Variants in KPNB1 observed in about 807,000 individuals in gnomAD.
The protein encoded by KPNB1 is importin subunit beta-1.
A neutral mutation model predicts 113.0 loss-of-function variants in KPNB1; 7 were observed. The observed-to-expected ratio is 0.06, with a 90% CI of 0.04 to 0.12. The LOEUF (loss-of-function observed/expected upper bound fraction) is 0.12, where lower values mean the gene tolerates loss of function less well. Ranked by LOEUF, KPNB1 falls within the 10% of genes least tolerant of loss-of-function variation. The pLI, the probability that KPNB1 is intolerant of heterozygous loss-of-function variation, is 1.00. For missense variants in KPNB1, 400 were observed against 1,054.8 expected (o/e 0.38, Z 8.60); for synonymous variants, 363 against 378.6 (o/e 0.96, Z 0.48).
At chr17:47,675,361 G>GTTTTTTTTTGTTTTTTTTTTT (rs2030569284) in intron 15 of KPNB1, among the ~76,000 whole-genome samples, 1 of 88,692 alleles carries the variant, frequency 1.1e-5, no homozygotes, top group Non-Finnish European at 2.3e-5. Context: ...CAGAGGTGTT[G>GTTTTTTTTTGTTTTTTTTTTT]TTTTTTTTTT....
At position 47,658,427 on chromosome 17, in the gene KPNB1, AGTT is replaced by A. The variant is rs774603469; in HGVS notation, c.484-77_484-75del. 1,768 of 1,432,032 alleles carry A rather than the reference AGTT, an allele frequency of 1.2e-3. 8 individuals are homozygous for A. The highest frequency in any genetic ancestry group is 1.0e-3 in the Non-Finnish European group (1,074 of 1,055,090). The allele number at this position is 1,432,032 out of a possible 1,614,324, so 88.7% of individuals were successfully genotyped here. ...TTTCCTCTAAATATTTTCAATCCATAGTTGTTTGAATCCACAGATGTGGAACCC... is the reference window on the plus strand; with the variant it reads ...TTTCCTCTAAATATTTTCAATCCATAGTTTGAATCCACAGATGTGGAACCC... On this transcript the variant is annotated intron_variant, in intron 4 of 21. Coordinates refer to ENST00000290158, the MANE Select transcript of KPNB1 (RefSeq NM_002265.6).
Position 47,674,654 on chromosome 17 carries a change from T to C in KPNB1, c.1784T>C (p.Val595Ala). The change falls in exon 15 of 22, where the codon GTG becomes GCG. Residue 595 changes from valine to alanine, a missense_variant. Physicochemically the swap from Val to Ala is moderately conservative, Grantham distance 64. Coordinates refer to ENST00000290158, the MANE Select transcript of KPNB1 (RefSeq NM_002265.6). ...CATLQNVLRK[V>A]QHQDALQISD... ...ATTTCACAGAATGTTCTTCGGAAAG[T>C]GCAACATCAAGATGCTTTGCAGATC... 2 of 1,613,672 alleles carry C rather than the reference T, an allele frequency of 1.2e-6. No individual in the cohort carries two copies. Among genetic ancestry groups the C allele is most frequent in the Non-Finnish European group, 1.7e-6 (2 of 1,179,832 alleles).
At chr17:47,672,896 A>G in intron 12 of KPNB1, 122 bp from the exon 13 acceptor site, 1 of 823,918 alleles carries the variant, frequency 1.2e-6, no homozygotes, top group Non-Finnish European at 1.8e-6. Context: ...TTGTGTTTTC[A>G]AACTCAAACC....
chr17:47,656,150 G>T (rs981720117), intron 3 of KPNB1, among the ~76,000 whole-genome samples: 5 of 152,088 alleles, frequency 3.3e-5, no homozygotes, highest in African/African-American at 9.7e-5. Flanking sequence ...GCTACTTGCT[G>T]GGGGGAGCTA....
At chr17:47,673,745 T>G (rs1002102785) in intron 14 of KPNB1, 184 bp downstream of exon 14, 10 of 596,938 alleles carry the variant, frequency 1.7e-5, no homozygotes, top group Non-Finnish European at 2.7e-5. Context: ...GCCTTACCTG[T>G]CTGTCTAGAA....
chr17:47,681,686 G>GTGTTTTTTT (rs2030783376), intron 21 of KPNB1, among the ~76,000 whole-genome samples: 1 of 96,034 alleles, frequency 1.0e-5, no homozygotes, highest in East Asian at 3.2e-4. Flanking sequence ...GGAATTATAG[G>GTGTTTTTTT]TTTTTTTTTT....
At chr17:47,662,132 C>T (rs908220377) in intron 6 of KPNB1, 2 of 152,186 alleles carry the variant, frequency 1.3e-5, no homozygotes, top group South Asian at 2.1e-4. Flanking sequence ...TGAGGCCAGG[C>T]GCGGTGGCTT....
Position 47,675,366 on chromosome 17 carries a change from TTTTTTGTTTTTTTTTTTTGTTTG to T in KPNB1, c.1912+590_1912+612del, listed in dbSNP as rs1333454563. ...CGGAGATTGGCAGAGGTGTTGTTTTTTTTTTGTTTTTTTTTTTTGTTTGTTTTTTTTTTGAGACTTGTTCTGTT... is the reference window on the plus strand; with the variant it reads ...CGGAGATTGGCAGAGGTGTTGTTTTTTTTTTTTTTTGAGACTTGTTCTGTT... On this transcript the variant is annotated intron_variant, in intron 15 of 21. Transcript: ENST00000290158. Among the ~76,000 whole-genome samples, 22 of 114,264 alleles carry T rather than the reference TTTTTTGTTTTTTTTTTTTGTTTG, an allele frequency of 1.9e-4. 2 individuals are homozygous for T. The highest frequency in any genetic ancestry group is 3.2e-4 in the Non-Finnish European group (18 of 55,392). The allele number at this position is 114,264 out of a possible 152,430, so 75.0% of individuals were successfully genotyped here. A position where few individuals can be genotyped will look rare whatever the true frequency, so the allele number is the denominator to read the frequency against.
chr17:47,664,047 C>G (rs1284440496), intron 7 of KPNB1, 112 bp from the exon 8 acceptor site: 2 of 654,628 alleles, frequency 3.1e-6, no homozygotes, highest in East Asian at 2.7e-5. Context: ...GCCTAGCTTC[C>G]TTTTTATAGT....
chr17:47,676,393 G>C lies in KPNB1; in HGVS notation c.1913-16G>C. The stretch of plus-strand genomic sequence containing the variant: ...CCCGTGGTGCTGTCATTGGCTAATA[G>C]CTTATTTCATTACAGTGTTGGGTGG... On this transcript the variant is annotated splice_polypyrimidine_tract_variant and intron_variant, in intron 15 of 21. Coordinates refer to ENST00000290158, the MANE Select transcript of KPNB1 (RefSeq NM_002265.6). 1 of 1,594,704 alleles carries C rather than the reference G, an allele frequency of 6.3e-7. No homozygotes were observed.
chr17:47,667,594 G>C (rs1054341699), intron 9 of KPNB1, among the ~76,000 whole-genome samples: 1 of 145,560 alleles, frequency 6.9e-6, no homozygotes, highest in Non-Finnish European at 1.5e-5. Context: ...GTCTCACTCT[G>C]TTACACAGGC....
At chr17:47,666,231 T>G (rs1425634426) in intron 9 of KPNB1, among the ~76,000 whole-genome samples, 1 of 151,808 alleles carries the variant, frequency 6.6e-6, no homozygotes, top group Non-Finnish European at 1.5e-5. Flanking sequence ...TTTTATATTT[T>G]CAGTAGAAGC....
intron 9 of KPNB1, among the ~76,000 whole-genome samples, chr17:47,665,546 G>A (rs2030242420): frequency 6.6e-6 from 1 of 152,084 alleles, no homozygotes; most frequent in African/African-American, 2.4e-5. Context: ...GAGTTCACAG[G>A]GTGTATGTTT....
At chr17:47,669,575 CT>C in intron 10 of KPNB1, 102 bp from the exon 11 acceptor site, 1 of 806,914 alleles carries the variant, frequency 1.2e-6, no homozygotes, top group Non-Finnish European at 2.0e-6. Flanking sequence ...ATCTTGGTGA[CT>C]TTTTTGAGTT....
chr17:47,676,993 G>C (rs1000774278), intron 16 of KPNB1, 27 bp from the exon 17 acceptor site: 2 of 1,582,176 alleles, frequency 1.3e-6, no homozygotes, highest in African/African-American at 2.7e-5. Flanking sequence ...TTTTCTGTTA[G>C]AAGATTATTT....
Position 47,682,903 on chromosome 17 carries a change from A to G in KPNB1, c.*499A>G, listed in dbSNP as rs1442778905. Reference sequence around the variant, plus strand: ...CTGTACCTTTGCCACATGGTACTGTATGCTTGCCAGCTAGAAGGAGGGTCA... The same window carrying G: ...CTGTACCTTTGCCACATGGTACTGTGTGCTTGCCAGCTAGAAGGAGGGTCA... On this transcript the variant is annotated 3_prime_UTR_variant, in exon 22 of 22. Transcript: ENST00000290158. 6.2e-6 allele frequency: 1 copy of G among 160,092 alleles called. No homozygotes were observed. Among genetic ancestry groups the G allele is most frequent in the Admixed American group, 6.0e-5 (1 of 16,610 alleles). The allele number at this position is 160,092 out of a possible 1,614,324, so 9.9% of individuals were successfully genotyped here.
intron 12 of KPNB1, chr17:47,671,567 G>A (rs1188562143): frequency 6.6e-6 from 1 of 151,792 alleles, no homozygotes; most frequent in Non-Finnish European, 1.5e-5. Flanking sequence ...GAGACAGAGT[G>A]TTGCTCTGTT....
chr17:47,662,937 A>C, intron 6 of KPNB1, 152 bp from the exon 7 acceptor site: 3 of 634,438 alleles, frequency 4.7e-6, no homozygotes, highest in Non-Finnish European at 5.8e-6. Context: ...TAATGAGGGA[A>C]TTAAAGGGAG....
At chr17:47,661,258 G>T in intron 6 of KPNB1, 80 bp downstream of exon 6, 1 of 1,020,954 alleles carries the variant, frequency 9.8e-7, no homozygotes, top group East Asian at 2.4e-5. Flanking sequence ...TGAAATACTG[G>T]GAATCAGTTG....
Sources: allele counts gnomAD v4.1 joint callset (sites outside exome capture counted in the v4.1 genomes callset), GRCh38; gene constraint gnomAD v4.1.1; transcripts MANE v1.5; gene names NCBI Gene and HGNC (gene_info 2026-07-23, HGNC 2026-07-21).